HECTD4: variants seen among roughly 807,000 people sequenced by gnomAD.
HECTD4 encodes the protein HECT domain E3 ubiquitin protein ligase 4.
In HECTD4, 114 loss-of-function variants were observed where a neutral mutation model predicts 471.5. The ratio of observed to expected loss-of-function variants is 0.24; its 90% confidence interval spans 0.21 to 0.28. The LOEUF (loss-of-function observed/expected upper bound fraction) is 0.28. HECTD4 is among the 10% of genes least tolerant of loss of function. The pLI, the probability that HECTD4 is intolerant of heterozygous loss-of-function variation, is 1.00. For synonymous variants in HECTD4, 2,012 were observed against 2,256.0 expected, an observed-to-expected ratio of 0.89 and a Z score of 3.07; for missense variants, 3,866 against 5,651.5, an observed-to-expected ratio of 0.68 and a Z score of 10.13.
At position 112,178,951 on chromosome 12, in the gene HECTD4, C is replaced by T. The variant is rs2031564709; in HGVS notation, c.11343G>A (p.Lys3781=). The T allele has an allele frequency of 1.2e-6, 2 of 1,612,716 alleles. No individual in the cohort carries two copies. Among genetic ancestry groups the T allele is most frequent in the Admixed American group, 1.7e-5 (1 of 59,956 alleles). ...RPITKPPAKD[K]AVLNSVSRTA... is the part of the protein sequence containing the mutation. ...CGCACCTGACGCTGTTGAGCACAGC[C>T]TTGTCCTTGGCGGGCGGCTTGGTGA... is the stretch of plus-strand genomic sequence containing the variant. Residue 3781 remains lysine, a synonymous_variant, in exon 64 of 76, where the codon AAG becomes AAA. Coordinates refer to ENST00000682272, the MANE Select transcript of HECTD4 (RefSeq NM_001388303.1).
intron 21 of HECTD4, among the ~76,000 whole-genome samples, chr12:112,254,701 G>A (rs960090735): frequency 6.6e-6 from 1 of 152,156 alleles, no homozygotes; most frequent in African/African-American, 2.4e-5. Flanking sequence ...TTCTTAGGAT[G>A]TTGCTTAATG....
chr12:112,196,539 C>A (rs1231664840), intron 55 of HECTD4, among the ~76,000 whole-genome samples: 1 of 152,186 alleles, frequency 6.6e-6, no homozygotes, highest in Non-Finnish European at 1.5e-5. Flanking sequence ...CGGTTCTCCC[C>A]TTGGCTTTCA....
intron 7 of HECTD4, chr12:112,301,843 A>C: frequency 1.6e-6 from 1 of 638,688 alleles, no homozygotes; most frequent in Non-Finnish European, 2.8e-6. Flanking sequence ...CATTATTTTT[A>C]TGTACAGAAA....
chr12:112,376,724 T>C (rs778433459), intron 1 of HECTD4, among the ~76,000 whole-genome samples: 1 of 152,188 alleles, frequency 6.6e-6, no homozygotes, highest in African/African-American at 2.4e-5. Context: ...GTCGTCTCTG[T>C]ATGGGATGTT....
intron 1 of HECTD4, among the ~76,000 whole-genome samples, chr12:112,360,214 G>C (rs2036424152): frequency 6.6e-6 from 1 of 152,230 alleles, no homozygotes; most frequent in Non-Finnish European, 1.5e-5. Context: ...AGCTACTTGG[G>C]AGGCTGGGGC....
intron 49 of HECTD4, among the ~76,000 whole-genome samples, chr12:112,211,490 G>A (rs977364186): frequency 1.3e-5 from 2 of 151,642 alleles, no homozygotes; most frequent in Admixed American, 1.3e-4. Context: ...TGGTTGCTGG[G>A]TTGAAAAGAC....
At chr12:112,202,864 T>A (rs1670995646) in intron 54 of HECTD4, 1 of 152,206 alleles carries the variant, frequency 6.6e-6, no homozygotes, top group Admixed American at 6.5e-5. Context: ...AAACCACTGA[T>A]CCAGTTTAAT....
At chr12:112,227,777 T>C (rs184540864) in intron 43 of HECTD4, among the ~76,000 whole-genome samples, 8 of 152,248 alleles carry the variant, frequency 5.3e-5, no homozygotes, top group Admixed American at 3.3e-4. Flanking sequence ...GTTATTCCTG[T>C]GATGGAACAG....
At chr12:112,254,239 A>G in intron 21 of HECTD4, 77 bp from the exon 22 acceptor site, 1 of 1,543,908 alleles carries the variant, frequency 6.5e-7, no homozygotes, top group Non-Finnish European at 8.8e-7. Context: ...GGCTGCAAAA[A>G]CATTTGTTTA....
intron 10 of HECTD4, 143 bp from the exon 11 acceptor site, chr12:112,273,938 G>A: frequency 1.1e-6 from 1 of 897,374 alleles, no homozygotes; most frequent in Non-Finnish European, 1.6e-6. Flanking sequence ...AGATTTATTT[G>A]GTAAGGCACT....
intron 67 of HECTD4, among the ~76,000 whole-genome samples, chr12:112,171,754 CT>C (rs2031230048): frequency 6.6e-6 from 1 of 152,162 alleles, no homozygotes; most frequent in African/African-American, 2.4e-5. Flanking sequence ...CCTTTACCTC[CT>C]TGGCACCCAG....
Position 112,193,168 on chromosome 12 carries a change from G to A in HECTD4, c.8979C>T (p.Ser2993=), listed in dbSNP as rs372805720. The part of the protein sequence containing the change: ...FLQTAPEQFP[S]EEFPISESKV... ...TGGATTCGGAAATTGGGAACTCTTCGGAGGGGAACTGCTCTGGTGCTGTCT... is the reference window on the plus strand; with the variant it reads ...TGGATTCGGAAATTGGGAACTCTTCAGAGGGGAACTGCTCTGGTGCTGTCT... The change falls in exon 58 of 76, where the codon TCC becomes TCT. Residue 2993 remains serine (S), a synonymous_variant. Transcript: ENST00000682272. This position sits in a 1 kb window ranked among gnomAD's most constrained non-coding sequence, Gnocchi z 5.2. 40 of 1,613,898 alleles carry A rather than the reference G, an allele frequency of 2.5e-5. No individual in the cohort carries two copies. The Middle Eastern group carries it at 4.9e-4, about 20-fold the overall frequency.
intron 4 of HECTD4, among the ~76,000 whole-genome samples, chr12:112,310,149 T>G (rs1463910096): frequency 6.6e-6 from 1 of 152,186 alleles, no homozygotes; most frequent in Non-Finnish European, 1.5e-5. Context: ...GATAATAATA[T>G]GTACCTCAAG....
chr12:112,313,418 G>A (rs1047333111), intron 3 of HECTD4, among the ~76,000 whole-genome samples: 4 of 145,818 alleles, frequency 2.7e-5, no homozygotes, highest in Non-Finnish European at 6.0e-5. Flanking sequence ...GGGTTCAAGC[G>A]ATTCTCCTGC....
chr12:112,264,460 C>G (rs1271925739), intron 16 of HECTD4, among the ~76,000 whole-genome samples: 1 of 152,114 alleles, frequency 6.6e-6, no homozygotes, highest in African/African-American at 2.4e-5. Context: ...ATTTTTGCCT[C>G]TTAATAATTA....
At chr12:112,260,990 A>T (rs2034133932) in intron 18 of HECTD4, among the ~76,000 whole-genome samples, 1 of 152,120 alleles carries the variant, frequency 6.6e-6, no homozygotes, top group Admixed American at 6.6e-5. Context: ...CTAAGTGTGC[A>T]TGGTGCTGAC....
intron 4 of HECTD4, among the ~76,000 whole-genome samples, chr12:112,311,818 T>C (rs372291966): frequency 6.6e-6 from 1 of 152,084 alleles, no homozygotes; most frequent in South Asian, 2.1e-4. Context: ...GAAAGAAGTT[T>C]TAGTTCTATA....
chr12:112,252,375 A>G, intron 23 of HECTD4, 49 bp downstream of exon 23: 1 of 1,531,272 alleles, frequency 6.5e-7, no homozygotes, highest in Non-Finnish European at 8.8e-7. Flanking sequence ...TAATCAAGGC[A>G]CATAGCAGAT....
In HECTD4 at chr12:112,290,397, C is replaced by T. The variant is rs1318210328; in HGVS notation, c.1336-7095G>A. Among the ~76,000 whole-genome samples, 6 of 144,854 alleles carry T rather than the reference C, an allele frequency of 4.1e-5. No individual in the cohort carries two copies. In the South Asian group the frequency reaches 6.8e-4, roughly 16 times the overall value. ...TAAATTAGCTGGGCATGGTGGCGGG[C>T]GCCTGTGGTCCCAGCTGTGAGGGAG... On this transcript the variant is annotated intron_variant, in intron 7 of 75. Transcript: ENST00000682272.
Sources: gnomAD v4.1 joint callset for allele counts (sites outside exome capture counted in the v4.1 genomes callset) on GRCh38, gnomAD v4.1.1 for gene constraint, Gnocchi (gnomAD v3.1) non-coding constraint, MANE v1.5 for transcripts, NCBI Gene and HGNC (gene_info 2026-07-23, HGNC 2026-07-21) for gene names.